Variants in LRP1B observed in about 807,000 individuals in gnomAD.
The protein encoded by LRP1B is LDL receptor related protein 1B, also known as low-density lipoprotein receptor-related protein 1B.
A neutral mutation model predicts 556.6 loss-of-function variants in LRP1B; 217 were observed. The observed-to-expected ratio is 0.39, with a 90% CI of 0.35 to 0.44. The LOEUF is 0.44. Among genes scored for constraint, LRP1B ranks in the 20% least tolerant of loss-of-function variants. The probability of loss-of-function intolerance (pLI) is 1.00; values close to 1 mark genes in which losing one functional copy is unlikely to be tolerated. For missense variants in LRP1B, 5,053 were observed against 5,620.8 expected, an observed-to-expected ratio of 0.90 and a Z score of 3.23; for synonymous variants, 2,047 against 1,865.8, an observed-to-expected ratio of 1.10 and a Z score of -2.50.
chr2:140,999,499 T>C (rs942127642), intron 15 of LRP1B, among the ~76,000 whole-genome samples: 1 of 152,122 alleles, frequency 6.6e-6, no homozygotes, highest in Non-Finnish European at 1.5e-5. Flanking sequence ...TTTTCTAACA[T>C]CAGCTTGGTA....
intron 77 of LRP1B, 85 bp from the exon 78 acceptor site, chr2:140,335,923 G>A: frequency 2.5e-6 from 2 of 810,474 alleles, no homozygotes; most frequent in Admixed American, 3.7e-5. Context: ...AAGTTATGGG[G>A]GAATTGTAAG....
chr2:141,386,114 A>C, intron 3 of LRP1B, among the ~76,000 whole-genome samples: 1 of 152,150 alleles, frequency 6.6e-6, no homozygotes. Flanking sequence ...CATGCACAAA[A>C]TTATGAAAAA....
In LRP1B at chr2:140,962,217, G is replaced by A. The variant is rs960082430; in HGVS notation, c.2888-10277C>T. On this transcript the variant is annotated intron_variant, in intron 18 of 90. Transcript: ENST00000389484. Reference sequence around the variant, plus strand: ...AATTATTCACTTAAAAGAATGTAGCGATCTTCAGAAAATTCACATATAAGC... The same window carrying A: ...AATTATTCACTTAAAAGAATGTAGCAATCTTCAGAAAATTCACATATAAGC... Among the ~76,000 whole-genome samples the A allele has an allele frequency of 1.4e-4, 22 of 152,056 alleles. No homozygotes were observed. In the East Asian group the frequency reaches 2.5e-3, roughly 17 times the overall value.
At chr2:141,897,487 C>T (rs1699487939) in intron 1 of LRP1B, among the ~76,000 whole-genome samples, 1 of 152,084 alleles carries the variant, frequency 6.6e-6, no homozygotes, top group South Asian at 2.1e-4. Flanking sequence ...GAATATTTTA[C>T]AGAAGCTTAA....
chr2:140,630,935 G>A (rs977900171), intron 41 of LRP1B, among the ~76,000 whole-genome samples: 1 of 152,088 alleles, frequency 6.6e-6, no homozygotes, highest in African/African-American at 2.4e-5. Context: ...AGAATTCTAG[G>A]ATACTTTACA....
At chr2:141,302,861 G>A (rs529366790) in intron 3 of LRP1B, among the ~76,000 whole-genome samples, 13 of 152,020 alleles carry the variant, frequency 8.6e-5, no homozygotes, top group African/African-American at 2.6e-4. Flanking sequence ...TCTAGAAAAC[G>A]ACTAGTTTAT....
rs761524988 is a variant in LRP1B at position 141,480,393 on chromosome 2, C to T, written c.343+3G>A. On this transcript the variant is annotated splice_donor_region_variant and intron_variant, in intron 3 of 90. Coordinates refer to ENST00000389484, the MANE Select transcript of LRP1B (RefSeq NM_018557.3). ...AGTTGCATTGTTCCACAAATGGACT[C>T]ACCCTGACAATGTACTCCTTCGTCA... The T allele has an allele frequency of 1.2e-6, 2 of 1,613,802 alleles. No homozygotes were observed. Among genetic ancestry groups the T allele is most frequent in the South Asian group, 2.2e-5 (2 of 91,070 alleles).
At chr2:141,995,968 AG>A in intron 1 of LRP1B, among the ~76,000 whole-genome samples, 1 of 152,192 alleles carries the variant, frequency 6.6e-6, no homozygotes, top group Non-Finnish European at 1.5e-5. Context: ...AGAAGTTATA[AG>A]TAGGCAGGAA....
Position 140,516,943 on chromosome 2 carries a change from A to G in LRP1B, c.8095T>C (p.Trp2699Arg), listed in dbSNP as rs1406060253. 1 of 1,611,748 alleles carries G rather than the reference A, an allele frequency of 6.2e-7. No individual in the cohort carries two copies. The highest frequency in any genetic ancestry group is 1.7e-5 in the Admixed American group (1 of 59,950). The part of the protein sequence containing the change: ...CPSGRCILNT[W>R]ICDGQKDCED... ...CAATCTTTCTGACCATCGCATATCC[A>G]GGTATTCAAAATGCATCTTCCACTA... Residue 2699 changes from tryptophan (W) to arginine (R), a missense_variant, in exon 50 of 91, where the codon TGG (tryptophan) becomes CGG (arginine). By Grantham distance (101) the Trp-to-Arg change is moderately radical. This residue lies in a region of LRP1B where 3,619 missense variants were observed against 3,931.9 expected (regional missense o/e 0.92). Coordinates refer to ENST00000389484, the MANE Select transcript of LRP1B (RefSeq NM_018557.3).
intron 1 of LRP1B, among the ~76,000 whole-genome samples, chr2:141,983,695 T>C (rs993025415): frequency 6.6e-6 from 1 of 152,108 alleles, no homozygotes; most frequent in Non-Finnish European, 1.5e-5. Flanking sequence ...AGTCAGATAT[T>C]GGGGGCAGGT....
intron 1 of LRP1B, among the ~76,000 whole-genome samples, chr2:142,050,453 T>C (rs954029698): frequency 2.6e-5 from 4 of 152,138 alleles, no homozygotes; most frequent in African/African-American, 9.6e-5. Context: ...AATGTTCTTC[T>C]ATTTTTGTAC....
At chr2:140,701,342 A>G (rs1686633344) in intron 40 of LRP1B, among the ~76,000 whole-genome samples, 1 of 152,084 alleles carries the variant, frequency 6.6e-6, no homozygotes, top group Non-Finnish European at 1.5e-5. Context: ...ATAACCACTT[A>G]TTATATAATA....
At chr2:141,283,983 G>A (rs902737132) in intron 3 of LRP1B, among the ~76,000 whole-genome samples, 7 of 152,160 alleles carry the variant, frequency 4.6e-5, no homozygotes, top group Middle Eastern at 3.2e-3. Flanking sequence ...GAGGTCACAC[G>A]CTGAGAATTA....
chr2:141,746,975 A>G (rs181036501), intron 2 of LRP1B, among the ~76,000 whole-genome samples: 1 of 85,518 alleles, frequency 1.2e-5, no homozygotes, highest in Admixed American at 1.6e-4. Context: ...AATTTTGATG[A>G]GCGTCCTTCA....
intron 3 of LRP1B, among the ~76,000 whole-genome samples, chr2:141,329,386 C>CAAAAA (rs3038417): frequency 3.2e-4 from 36 of 111,698 alleles, no homozygotes; most frequent in African/African-American, 9.4e-4. Flanking sequence ...AAAACTCCGT[C>CAAAAA]AAAAAAAAAA....
intron 83 of LRP1B, among the ~76,000 whole-genome samples, chr2:140,306,585 T>G (rs1452672407): frequency 6.6e-6 from 1 of 151,764 alleles, no homozygotes; most frequent in East Asian, 1.9e-4. Flanking sequence ...TCAATTTTGT[T>G]GATCTGTTCA....
At chr2:141,365,858 A>G (rs993793688) in intron 3 of LRP1B, among the ~76,000 whole-genome samples, 3 of 151,892 alleles carry the variant, frequency 2.0e-5, no homozygotes, top group African/African-American at 7.3e-5. Context: ...TATTTTTAGT[A>G]GAGACGGGGT....
intron 1 of LRP1B, among the ~76,000 whole-genome samples, chr2:142,097,139 T>G (rs1490999869): frequency 6.6e-6 from 1 of 151,666 alleles, no homozygotes; most frequent in African/African-American, 2.4e-5. Flanking sequence ...TACTTGCAAC[T>G]CCTCTATTAG....
At chr2:141,673,631 A>T (rs952834150) in intron 2 of LRP1B, among the ~76,000 whole-genome samples, 45 of 152,148 alleles carry the variant, frequency 3.0e-4, no homozygotes, top group African/African-American at 6.8e-4. Flanking sequence ...ACGGTTGTAT[A>T]ACAATTTGGG....
Sources: allele counts gnomAD v4.1 joint callset (sites outside exome capture counted in the v4.1 genomes callset), GRCh38; gene constraint gnomAD v4.1.1; regional missense constraint gnomAD v4.1.1; transcripts MANE v1.5; gene names NCBI Gene and HGNC (gene_info 2026-07-23, HGNC 2026-07-21).